Variants in CDC42EP2 observed in about 807,000 individuals in gnomAD.
CDC42EP2 encodes CDC42 effector protein (Rho GTPase binding) 2.
In CDC42EP2, 5 loss-of-function variants were observed where a neutral mutation model predicts 7.3. That is an observed-to-expected ratio of 0.68 (90% CI 0.36 to 1.44). The LOEUF is 1.44. CDC42EP2 is among the 40% of genes most tolerant of loss of function. The pLI is 0.04. For missense variants in CDC42EP2, 251 were observed against 282.6 expected (o/e 0.89, Z 0.80); for synonymous variants, 113 against 123.6 (o/e 0.91, Z 0.57).
Position 65,321,349 on chromosome 11 carries a change from T to TG in CDC42EP2, c.453dup (p.Arg152GlufsTer43). ...ACAGGAGGGAGGGAGTGTGGACATC[T>TG]GGAGGATTCCAGAGACTGGCTCCCC... On this transcript the variant is annotated frameshift_variant, in exon 2 of 2. Transcript: ENST00000279249. LOFTEE classifies it high-confidence loss of function. The surrounding 1 kb of genome is among the most constrained non-coding windows in gnomAD (Gnocchi z 4.4). The TG allele has an allele frequency of 1.2e-6, 2 of 1,613,922 alleles. No homozygotes were observed. The highest frequency in any genetic ancestry group is 1.7e-6 in the Non-Finnish European group (2 of 1,180,030).
At position 65,315,681 on chromosome 11, in the gene CDC42EP2, G is replaced by A. The variant is rs1949944351; in HGVS notation, c.-356+727G>A. ...CCTGCCTGGAGCCCGGGGGAGGGGC[G>A]CTGGAGACCCCGGTGCGCTCTCGGA... On this transcript the variant is annotated intron_variant, in intron 1 of 1. Coordinates refer to ENST00000279249, the MANE Select transcript of CDC42EP2 (RefSeq NM_006779.4). This position sits in a 1 kb window ranked among gnomAD's most constrained non-coding sequence, Gnocchi z 4.1. Among the ~76,000 whole-genome samples, 1 of 152,254 alleles carries A rather than the reference G, an allele frequency of 6.6e-6. No individual in the cohort carries two copies. Among genetic ancestry groups the A allele is most frequent in the Non-Finnish European group, 1.5e-5 (1 of 68,046 alleles).
Position 65,315,528 on chromosome 11 carries a change from C to T in CDC42EP2, c.-356+574C>T, listed in dbSNP as rs2137651802. On this transcript the variant is annotated intron_variant, in intron 1 of 1. Coordinates refer to ENST00000279249, the MANE Select transcript of CDC42EP2 (RefSeq NM_006779.4). The surrounding 1 kb of genome is among the most constrained non-coding windows in gnomAD (Gnocchi z 4.1). ...CACAGGGGGGAGGCTCCTCCCAGAGCTTGGAGACTAGGGCAGGGTCCCCAA... is the reference window on the plus strand; with the variant it reads ...CACAGGGGGGAGGCTCCTCCCAGAGTTTGGAGACTAGGGCAGGGTCCCCAA... 6.6e-6 allele frequency among the ~76,000 whole-genome samples: 1 copy of T among 152,366 alleles called. No individual in the cohort carries two copies. Among genetic ancestry groups the T allele is most frequent in the East Asian group, 1.9e-4 (1 of 5,184 alleles).
chr11:65,319,352 T>C (rs1949963166), intron 1 of CDC42EP2, among the ~76,000 whole-genome samples: 1 of 151,990 alleles, frequency 6.6e-6, no homozygotes, highest in African/African-American at 2.4e-5. Context: ...ATGGTCTTGA[T>C]CTCCTGACCT....
chr11:65,319,004 A>G (rs1273583679), intron 1 of CDC42EP2, among the ~76,000 whole-genome samples: 1 of 149,392 alleles, frequency 6.7e-6, no homozygotes, highest in Admixed American at 6.8e-5. Context: ...AATGCTTTCA[A>G]TAAATGGATG....
rs1381866186 is a variant in CDC42EP2 at position 65,315,971 on chromosome 11, A to T, written c.-356+1017A>T. Among the ~76,000 whole-genome samples the T allele has an allele frequency of 6.6e-6, 1 of 152,210 alleles. No individual in the cohort carries two copies. The highest frequency in any genetic ancestry group is 2.4e-5 in the African/African-American group (1 of 41,446). On this transcript the variant is annotated intron_variant, in intron 1 of 1. Coordinates refer to ENST00000279249, the MANE Select transcript of CDC42EP2 (RefSeq NM_006779.4). The surrounding 1 kb of genome is among the most constrained non-coding windows in gnomAD (Gnocchi z 4.1). The stretch of plus-strand genomic sequence containing the variant: ...GTAGATATTTGCTGAATGAATGATA[A>T]AACCTACAGTGACCCGCTGAACCCC...
intron 1 of CDC42EP2, among the ~76,000 whole-genome samples, chr11:65,319,221 G>A (rs544584931): frequency 2.7e-5 from 4 of 150,454 alleles, no homozygotes; most frequent in South Asian, 2.1e-4. Context: ...CTCCACCTCC[G>A]GGGTTCAAGC....
intron 1 of CDC42EP2, among the ~76,000 whole-genome samples, chr11:65,318,573 G>A (rs1227406517): frequency 6.6e-6 from 1 of 152,014 alleles, no homozygotes; most frequent in Non-Finnish European, 1.5e-5. Flanking sequence ...ACAGGCGCCA[G>A]CCACCATGCC....
rs1409226435 is a variant in CDC42EP2 at position 65,320,609 on chromosome 11, A to C, written c.-290A>C. 2.4e-6 allele frequency: 1 copy of C among 408,466 alleles called. No individual in the cohort carries two copies. Among genetic ancestry groups the C allele is most frequent in the African/African-American group, 2.0e-5 (1 of 50,114 alleles). 25.3% of individuals were successfully genotyped at this position (408,466 alleles called of 1,614,324 possible). ...AAGACCAAAGTGCACTGCTGCCCAC[A>C]CAGTTCCTACCTTTCTGGCTTCAAT... On this transcript the variant is annotated 5_prime_UTR_variant, in exon 2 of 2. Coordinates refer to ENST00000279249, the MANE Select transcript of CDC42EP2 (RefSeq NM_006779.4).
chr11:65,320,502 G>A (rs1167331474), intron 1 of CDC42EP2, 42 bp from the exon 2 acceptor site: 2 of 177,820 alleles, frequency 1.1e-5, no homozygotes, highest in African/African-American at 2.4e-5. Context: ...ATCTGACCTT[G>A]GTCCCGCTGT....
At position 65,321,614 on chromosome 11, in the gene CDC42EP2, G is replaced by C. The variant is rs1316596996; in HGVS notation, c.*83G>C. On this transcript the variant is annotated 3_prime_UTR_variant, in exon 2 of 2. Coordinates refer to ENST00000279249, the MANE Select transcript of CDC42EP2 (RefSeq NM_006779.4). The surrounding 1 kb of genome is among the most constrained non-coding windows in gnomAD (Gnocchi z 4.4). ...GGACCCGGCCCTGGCGGCGGAGTCA[G>C]GGTCCCAAGATCCCACCTGTATGGT... 7.4e-7 allele frequency: 1 copy of C among 1,351,956 alleles called. No individual in the cohort carries two copies. The highest frequency in any genetic ancestry group is 1.0e-6 in the Non-Finnish European group (1 of 981,926). 83.7% of individuals were successfully genotyped at this position (1,351,956 alleles called of 1,614,324 possible). A position where few individuals can be genotyped will look rare whatever the true frequency, so the allele number is the denominator to read the frequency against.
chr11:65,319,549 A>C (rs974173858), intron 1 of CDC42EP2, among the ~76,000 whole-genome samples: 7 of 152,214 alleles, frequency 4.6e-5, no homozygotes, highest in African/African-American at 7.2e-5. Flanking sequence ...CAACTAAAAA[A>C]TATATGTACT....
At chr11:65,317,726 T>C (rs967080114) in intron 1 of CDC42EP2, among the ~76,000 whole-genome samples, 9 of 152,328 alleles carry the variant, frequency 5.9e-5, no homozygotes, top group African/African-American at 1.9e-4. Flanking sequence ...CATAGCTATT[T>C]ATTTTTACAC....
rs1327898809 is a variant in CDC42EP2, at chr11:65,322,356, A to G, written c.*825A>G. 1 of 166,992 alleles carries G rather than the reference A, an allele frequency of 6.0e-6. No individual in the cohort carries two copies. The highest frequency in any genetic ancestry group is 1.9e-4 in the East Asian group (1 of 5,196). 10.3% of individuals were successfully genotyped at this position (166,992 alleles called of 1,614,324 possible). On this transcript the variant is annotated 3_prime_UTR_variant, in exon 2 of 2. Transcript: ENST00000279249. ...TGGCACTGTGCCAAGCCTGGGGCCA[A>G]TCCCTGCCCAGTCAGCTGGGGTCTG... is the stretch of plus-strand genomic sequence containing the variant.
rs986225929 is a variant in CDC42EP2 at position 65,315,614 on chromosome 11, A to G, written c.-356+660A>G. 1.3e-5 allele frequency among the ~76,000 whole-genome samples: 2 copies of G among 152,246 alleles called. No homozygotes were observed. Among genetic ancestry groups the G allele is most frequent in the African/African-American group, 4.8e-5 (2 of 41,470 alleles). On this transcript the variant is annotated intron_variant, in intron 1 of 1. Transcript: ENST00000279249. This position sits in a 1 kb window ranked among gnomAD's most constrained non-coding sequence, Gnocchi z 4.1. ...CCCGAAGCAAAAAGATCTCGCAGGT[A>G]ATCCCCATCTGGTACTTGAACGCGC...
Position 65,321,567 on chromosome 11 carries a change from G to A in CDC42EP2, c.*36G>A, listed in dbSNP as rs1472423739. On this transcript the variant is annotated 3_prime_UTR_variant, in exon 2 of 2. Transcript: ENST00000279249. The surrounding 1 kb of genome is among the most constrained non-coding windows in gnomAD (Gnocchi z 4.4). ...TGCCTAGGCTGGGGTCCCAGGTGGG[G>A]CCCAGCCAGGAGGTGGGGTGTGGAC... The A allele has an allele frequency of 6.4e-7, 1 of 1,557,698 alleles. No homozygotes were observed. The highest frequency in any genetic ancestry group is 1.8e-5 in the Admixed American group (1 of 54,682).
At chr11:65,318,169 C>T (rs191885736) in intron 1 of CDC42EP2, among the ~76,000 whole-genome samples, 53 of 151,940 alleles carry the variant, frequency 3.5e-4, no homozygotes, top group African/African-American at 1.2e-3. Context: ...GATCTAGGCC[C>T]ACTGCAACCT....
Position 65,321,223 on chromosome 11 carries a change from T to G in CDC42EP2, c.325T>G (p.Ser109Ala). The G allele has an allele frequency of 6.2e-7, 1 of 1,613,426 alleles. No individual in the cohort carries two copies. The highest frequency in any genetic ancestry group is 2.2e-5 in the East Asian group (1 of 44,838). Reference protein sequence around the residue: ...GPSPLLKNAISLPVIGGPQAL... With the variant: ...GPSPLLKNAIALPVIGGPQAL... The stretch of plus-strand genomic sequence containing the variant: ...ATCCCCTCTGCTCAAGAACGCCATC[T>G]CCCTCCCGGTTATCGGTGGACCCCA... The change falls in exon 2 of 2, where the codon TCC becomes GCC. Residue 109 changes from serine to alanine, a missense_variant. Coordinates refer to ENST00000279249, the MANE Select transcript of CDC42EP2 (RefSeq NM_006779.4). The surrounding 1 kb of genome is among the most constrained non-coding windows in gnomAD (Gnocchi z 4.4).
In CDC42EP2 at chr11:65,315,219, C is replaced by G. The variant is rs4149814; in HGVS notation, c.-356+265C>G. Among the ~76,000 whole-genome samples the G allele has an allele frequency of 0.02, 3,086 of 152,354 alleles. 53 individuals are homozygous for G. The highest frequency in any genetic ancestry group is 0.044 in the Middle Eastern group (13 of 294). ...CATTTTGTGTCCGGGCCCCCGCCCCCCTCCCGAGACCCAGGGGTGCCCCGC... is the reference window on the plus strand; with the variant it reads ...CATTTTGTGTCCGGGCCCCCGCCCCGCTCCCGAGACCCAGGGGTGCCCCGC... On this transcript the variant is annotated intron_variant, in intron 1 of 1. Transcript: ENST00000279249. The surrounding 1 kb of genome is among the most constrained non-coding windows in gnomAD (Gnocchi z 4.1).
chr11:65,317,206 CTT>C (rs1443924520), intron 1 of CDC42EP2: 2 of 152,292 alleles, frequency 1.3e-5, no homozygotes, highest in African/African-American at 4.8e-5. Context: ...AGAGTCATTC[CTT>C]TGTTTCCTGT....
Sources: gnomAD v4.1 joint callset for allele counts (sites outside exome capture counted in the v4.1 genomes callset) on GRCh38, gnomAD v4.1.1 for gene constraint, Gnocchi (gnomAD v3.1) non-coding constraint, MANE v1.5 for transcripts, NCBI Gene and HGNC (gene_info 2026-07-23, HGNC 2026-07-21) for gene names.